The following GOSR2 variants were observed in gnomAD, a reference collection of about 807,000 sequenced individuals.
GOSR2 encodes 27 kDa Golgi SNARE protein.
GOSR2 carries 20 observed loss-of-function variants against 27.9 expected under a neutral mutation model. The ratio of observed to expected loss-of-function variants is 0.72; its 90% CI spans 0.50 to 1.04. GOSR2 has a LOEUF of 1.04. GOSR2 is among the 50% of genes least tolerant of loss of function. The pLI, the probability that GOSR2 is intolerant of heterozygous loss-of-function variation, is 0.00. For synonymous variants in GOSR2, 91 were observed against 98.8 expected (o/e 0.92, Z 0.47); for missense variants, 261 against 270.5 (o/e 0.97, Z 0.25).
chr17:46,933,504 A>G (rs1454707774), intron 4 of GOSR2: 1 of 152,228 alleles, frequency 6.6e-6, no homozygotes. Context: ...ACTAGGAGTA[A>G]AGCACATGAT....
chr17:46,960,952 C>G (rs1348499747), intron 6 of GOSR2, among the ~76,000 whole-genome samples: 1 of 151,808 alleles, frequency 6.6e-6, no homozygotes, highest in Non-Finnish European at 1.5e-5. Context: ...ATATAGTGCT[C>G]TACGTCAAAA....
intron 1 of GOSR2, among the ~76,000 whole-genome samples, chr17:46,928,639 C>T (rs2086845066): frequency 6.6e-6 from 1 of 152,118 alleles, no homozygotes. Flanking sequence ...TCCTTCGTTC[C>T]TTGATATTGT....
chr17:46,966,905 C>A, exon 7 of GOSR2: 1 of 395,588 alleles, frequency 2.5e-6, no homozygotes, highest in Non-Finnish European at 4.5e-6. Context: ...AAAGGGAAAT[C>A]ATTTTCATGA....
At chr17:46,935,220 C>G (rs770280874) in intron 5 of GOSR2, 51 bp downstream of exon 5, 1 of 1,609,886 alleles carries the variant, frequency 6.2e-7, no homozygotes, top group South Asian at 1.1e-5. Flanking sequence ...TTAGCCTCAT[C>G]CAACAGTTTA....
downstream of GOSR2, among the ~76,000 whole-genome samples, chr17:46,969,326 C>T (rs935347043): frequency 6.6e-5 from 10 of 152,316 alleles, no homozygotes; most frequent in Admixed American, 3.3e-4. Flanking sequence ...CACTGAGAGC[C>T]GGGCAGGGAG....
chr17:46,941,809 C>T lies in GOSR2; in HGVS notation c.*3049C>T, dbSNP rs751819235. On this transcript the variant is annotated 3_prime_UTR_variant, in exon 6 of 6. Coordinates refer to ENST00000640051, the MANE Select transcript of GOSR2 (RefSeq NM_004287.5). Reference sequence around the variant, plus strand: ...CTATGTTGACCAGATTGGTCTTAAACTCCTGGCCTCAAGTGATCTGCCTGC... The same window carrying T: ...CTATGTTGACCAGATTGGTCTTAAATTCCTGGCCTCAAGTGATCTGCCTGC... 3.3e-6 allele frequency: 1 copy of T among 302,670 alleles called. No homozygotes were observed. The highest frequency in any genetic ancestry group is 4.8e-6 in the Non-Finnish European group (1 of 207,044). The allele number at this position is 302,670 out of a possible 1,614,324, so 18.7% of individuals were successfully genotyped here.
At chr17:46,946,264 T>C (rs1403987731), downstream of GOSR2, among the ~76,000 whole-genome samples, 44 of 136,248 alleles carry the variant, frequency 3.2e-4, no homozygotes, top group Admixed American at 7.0e-4. Context: ...GGAGAAACCC[T>C]GTCTCTACTA....
In GOSR2 at chr17:46,940,207, AT is replaced by A; in HGVS notation, c.*1449del. The A allele has an allele frequency of 7.1e-7, 1 of 1,400,136 alleles. No individual in the cohort carries two copies. The highest frequency in any genetic ancestry group is 3.0e-5 in the Admixed American group (1 of 33,666). 86.7% of individuals were successfully genotyped at this position (1,400,136 alleles called of 1,614,324 possible). On this transcript the variant is annotated 3_prime_UTR_variant, in exon 6 of 6. Transcript: ENST00000640051. The stretch of plus-strand genomic sequence containing the variant: ...AGCTCCCCTTTGGTAAGTTTTCTTA[AT>A]TGTCATAGATTAACTGAGTTTCCTG...
downstream of GOSR2, among the ~76,000 whole-genome samples, chr17:46,944,601 T>C (rs1011560147): frequency 7.3e-6 from 1 of 136,194 alleles, no homozygotes; most frequent in African/African-American, 2.6e-5. Flanking sequence ...CTTCAGAATT[T>C]TTAATTTTCT....
chr17:46,951,571 T>C (rs976684929), intron 6 of GOSR2, among the ~76,000 whole-genome samples: 1 of 152,172 alleles, frequency 6.6e-6, no homozygotes, highest in Non-Finnish European at 1.5e-5. Context: ...GATTAGGAAC[T>C]TGTTCCCAGG....
chr17:46,959,797 A>G (rs2090950316), intron 6 of GOSR2, among the ~76,000 whole-genome samples: 1 of 152,236 alleles, frequency 6.6e-6, no homozygotes, highest in Non-Finnish European at 1.5e-5. Flanking sequence ...AACCATGGAA[A>G]GTCCTCCAAT....
chr17:46,932,893 AGAGGATT>A (rs2146930089), intron 4 of GOSR2: 1 of 152,544 alleles, frequency 6.6e-6, no homozygotes, highest in Non-Finnish European at 1.5e-5. Flanking sequence ...GTTTTTTTAC[AGAGGATT>A]ATTTTCTAAA....
At chr17:46,959,498 G>A (rs1233047731) in intron 6 of GOSR2, among the ~76,000 whole-genome samples, 1 of 152,096 alleles carries the variant, frequency 6.6e-6, no homozygotes, top group Admixed American at 6.5e-5. Flanking sequence ...TTAGAGCAAA[G>A]GAAAAGGTTC....
chr17:46,932,541 A>T, intron 4 of GOSR2: 1 of 527,308 alleles, frequency 1.9e-6, no homozygotes, highest in Non-Finnish European at 3.3e-6. Flanking sequence ...AACTTAGGCC[A>T]TTTGTAGAGA....
intron 6 of GOSR2, among the ~76,000 whole-genome samples, chr17:46,974,084 G>A (rs956087955): frequency 1.3e-5 from 2 of 152,338 alleles, no homozygotes; most frequent in East Asian, 1.9e-4. Context: ...TACTTCCCCC[G>A]TTCTAGGGGA....
At chr17:46,971,361 A>T (rs1337337996), downstream of GOSR2, among the ~76,000 whole-genome samples, 2 of 152,138 alleles carry the variant, frequency 1.3e-5, no homozygotes, top group African/African-American at 4.8e-5. Flanking sequence ...AATTAATTAA[A>T]AAGGAAAAAT....
In GOSR2 at chr17:46,940,920, GA is replaced by G; in HGVS notation, c.*2165del. ...CACACATCTGCTTTCAGTGCCTGGT[GA>G]AAAATAGACCTTGGCCTAACAGTGT... is the stretch of plus-strand genomic sequence containing the variant. On this transcript the variant is annotated 3_prime_UTR_variant, in exon 6 of 6. Transcript: ENST00000640051. The G allele has an allele frequency of 1.5e-6, 2 of 1,325,176 alleles. No individual in the cohort carries two copies. The highest frequency in any genetic ancestry group is 1.5e-5 in the South Asian group (1 of 65,230). The allele number at this position is 1,325,176 out of a possible 1,614,324, so 82.1% of individuals were successfully genotyped here. A position where few individuals can be genotyped will look rare whatever the true frequency, so the allele number is the denominator to read the frequency against.
At chr17:46,952,433 G>A (rs1399495783) in intron 6 of GOSR2, among the ~76,000 whole-genome samples, 3 of 152,102 alleles carry the variant, frequency 2.0e-5, no homozygotes, top group African/African-American at 7.2e-5. Context: ...ATTCTCACTA[G>A]CTACACGCCA....
At chr17:46,967,804 G>A (rs2091350712), downstream of GOSR2, among the ~76,000 whole-genome samples, 1 of 152,140 alleles carries the variant, frequency 6.6e-6, no homozygotes, top group African/African-American at 2.4e-5. Flanking sequence ...TCACCTTGGT[G>A]GCAGTGAAGG....
Sources: allele counts gnomAD v4.1 joint callset (sites outside exome capture counted in the v4.1 genomes callset), GRCh38; gene constraint gnomAD v4.1.1; transcripts MANE v1.5; gene names NCBI Gene and HGNC (gene_info 2026-07-23, HGNC 2026-07-21).